LRRIQ1: variants seen among roughly 807,000 people sequenced by gnomAD.
LRRIQ1 encodes leucine rich repeats and IQ motif containing 1.
In LRRIQ1, 210 loss-of-function variants were observed where a neutral mutation model predicts 211.9. The observed-to-expected ratio is 0.99, with a 90% CI of 0.89 to 1.11. The LOEUF is 1.11. Ranked by LOEUF, LRRIQ1 falls within the 50% of genes most tolerant of loss-of-function variation. The probability of loss-of-function intolerance (pLI) is 0.00; values close to 1 mark genes in which losing one functional copy is unlikely to be tolerated. For missense variants in LRRIQ1, 2,136 were observed against 1,939.5 expected (o/e 1.10, Z -1.90); for synonymous variants, 699 against 650.1 (o/e 1.08, Z -1.14).
chr12:85,228,316 A>G (rs768428462), intron 24 of LRRIQ1, among the ~76,000 whole-genome samples: 3 of 152,204 alleles, frequency 2.0e-5, no homozygotes, highest in African/African-American at 4.8e-5. Flanking sequence ...GAACTTTTGT[A>G]TAATTATAAG....
At chr12:85,123,187 T>G (rs1484610276) in intron 16 of LRRIQ1, among the ~76,000 whole-genome samples, 2 of 152,136 alleles carry the variant, frequency 1.3e-5, no homozygotes, top group South Asian at 2.1e-4. Context: ...TAAAATTACC[T>G]TTGTGAACAT....
At chr12:85,250,827 A>G (rs1435486798) in intron 1 of LRRIQ1, among the ~76,000 whole-genome samples, 5 of 115,474 alleles carry the variant, frequency 4.3e-5, no homozygotes, top group Non-Finnish European at 8.5e-5. Flanking sequence ...AATATATATT[A>G]TAGATTATAT....
chr12:85,259,117 A>G, intron 1 of LRRIQ1, among the ~76,000 whole-genome samples: 1 of 152,090 alleles, frequency 6.6e-6, no homozygotes, highest in East Asian at 1.9e-4. Context: ...CAGCACTTGT[A>G]TAAGCAATTG....
Position 85,139,525 on chromosome 12 carries a change from A to G in LRRIQ1, c.4329+1556A>G, listed in dbSNP as rs570988677. Among the ~76,000 whole-genome samples, 10 of 151,594 alleles carry G rather than the reference A, an allele frequency of 6.6e-5. No homozygotes were observed. In the East Asian group the frequency reaches 1.9e-3, roughly 29 times the overall value. On this transcript the variant is annotated intron_variant, in intron 19 of 26. Coordinates refer to ENST00000393217, the MANE Select transcript of LRRIQ1 (RefSeq NM_001079910.2). ...GTGACACGTCAGTGAGAATTTTGAT[A>G]TTCAATTGTATGGTATTTTTCAGAA...
chr12:85,118,613 T>C (rs1385952797), intron 15 of LRRIQ1, among the ~76,000 whole-genome samples: 2 of 151,524 alleles, frequency 1.3e-5, no homozygotes, highest in East Asian at 3.9e-4. Flanking sequence ...TACACAGAGA[T>C]ACATTATTAC....
At chr12:85,162,740 G>T (rs1222965946) in intron 24 of LRRIQ1, 4 of 455,808 alleles carry the variant, frequency 8.8e-6, no homozygotes, top group African/African-American at 2.0e-5. Context: ...GATGTTCTAT[G>T]ATTTTGTTTT....
intron 4 of LRRIQ1, among the ~76,000 whole-genome samples, chr12:85,045,245 A>G (rs1764253534): frequency 6.6e-6 from 1 of 151,938 alleles, no homozygotes; most frequent in Admixed American, 6.6e-5. Flanking sequence ...AAACTTACTT[A>G]AAAAATAAGA....
At chr12:85,131,738 G>A (rs1020797082) in intron 18 of LRRIQ1, among the ~76,000 whole-genome samples, 1 of 151,992 alleles carries the variant, frequency 6.6e-6, no homozygotes, top group African/African-American at 2.4e-5. Context: ...ATGCTACAGG[G>A]GGTAAGAGTT....
chr12:85,185,195 A>C (rs1270184790), intron 24 of LRRIQ1, among the ~76,000 whole-genome samples: 6 of 151,954 alleles, frequency 3.9e-5, no homozygotes, highest in Admixed American at 3.9e-4. Context: ...ATACACTCGG[A>C]AAGATAGAAT....
chr12:85,078,968 C>G (rs942014802), intron 11 of LRRIQ1, among the ~76,000 whole-genome samples: 2 of 152,130 alleles, frequency 1.3e-5, no homozygotes, highest in African/African-American at 4.8e-5. Flanking sequence ...TGTTGTTACA[C>G]ATTTTTGTAA....
chr12:85,239,386 CGTGTATATATAT>C (rs374200398), intron 26 of LRRIQ1, among the ~76,000 whole-genome samples: 1 of 150,568 alleles, frequency 6.6e-6, no homozygotes, highest in Non-Finnish European at 1.5e-5. Context: ...CACACACACA[CGTGTATATATAT>C]ACACACACAT....
intron 24 of LRRIQ1, among the ~76,000 whole-genome samples, chr12:85,193,449 G>A (rs1892710289): frequency 7.3e-6 from 1 of 137,760 alleles, no homozygotes; most frequent in Admixed American, 7.9e-5. Context: ...TCAAAGGGAA[G>A]CCCATCAGAC....
At chr12:85,263,710 T>C (rs2137346316) in exon 2 of LRRIQ1, 1 of 152,160 alleles carries the variant, frequency 6.6e-6, no homozygotes, top group East Asian at 1.9e-4. Flanking sequence ...TAGATGCTAA[T>C]TTTGGTTCAT....
chr12:85,174,333 T>C (rs1434134688), intron 24 of LRRIQ1, among the ~76,000 whole-genome samples: 3 of 151,618 alleles, frequency 2.0e-5, no homozygotes, highest in Non-Finnish European at 4.4e-5. Context: ...AAATACAAAA[T>C]ACTAGAATAA....
In LRRIQ1 at chr12:85,052,270, T is replaced by C. The variant is rs1373977230; in HGVS notation, c.753+19T>C. 1 of 1,253,760 alleles carries C rather than the reference T, an allele frequency of 8.0e-7. No individual in the cohort carries two copies. The highest frequency in any genetic ancestry group is 1.5e-5 in the African/African-American group (1 of 65,660). The allele number at this position is 1,253,760 out of a possible 1,614,324, so 77.7% of individuals were successfully genotyped here. A position where few individuals can be genotyped will look rare whatever the true frequency, so the allele number is the denominator to read the frequency against. ...GCATGAGGTATCTATTTGTTGTTTT[T>C]ATTTAGCACATTAAGCTTTCTTTAT... is the stretch of plus-strand genomic sequence containing the variant. On this transcript the variant is annotated intron_variant, in intron 7 of 26. Coordinates refer to ENST00000393217, the MANE Select transcript of LRRIQ1 (RefSeq NM_001079910.2).
chr12:85,153,448 A>G (rs191756317), intron 21 of LRRIQ1, among the ~76,000 whole-genome samples: 2 of 151,602 alleles, frequency 1.3e-5, no homozygotes, highest in East Asian at 1.9e-4. Flanking sequence ...TTCCAGTGCT[A>G]TGTTACTTTT....
At chr12:85,162,652 C>T in intron 24 of LRRIQ1, 1 of 415,642 alleles carries the variant, frequency 2.4e-6, no homozygotes, top group African/African-American at 2.1e-5. Flanking sequence ...ATAAAATATG[C>T]TAGAAATAGT....
Position 85,047,268 on chromosome 12 carries a change from G to A in LRRIQ1, c.476G>A (p.Gly159Glu), listed in dbSNP as rs1383579306. 1.9e-6 allele frequency: 3 copies of A among 1,593,208 alleles called. No homozygotes were observed. The highest frequency in any genetic ancestry group is 2.6e-6 in the Non-Finnish European group (3 of 1,174,508). The change falls in exon 6 of 27, where the codon GGA (glycine) becomes GAA (glutamate). Residue 159 changes from glycine to glutamate, a missense_variant. Coordinates refer to ENST00000393217, the MANE Select transcript of LRRIQ1 (RefSeq NM_001079910.2). ...GCAGATGATGCTGATATAAATTTTGGATACTGTGAAGTGGAAGAAAAATGT... is the reference window on the plus strand; with the variant it reads ...GCAGATGATGCTGATATAAATTTTGAATACTGTGAAGTGGAAGAAAAATGT... The part of the protein sequence containing the change: ...VLPDDADINF[G>E]YCEVEEKCRQ...
intron 11 of LRRIQ1, among the ~76,000 whole-genome samples, chr12:85,080,419 T>C (rs1483093586): frequency 6.6e-6 from 1 of 151,568 alleles, no homozygotes; most frequent in Non-Finnish European, 1.5e-5. Context: ...TAATGTAATA[T>C]AGAGGGCATA....
Sources: allele counts gnomAD v4.1 joint callset (sites outside exome capture counted in the v4.1 genomes callset), GRCh38; gene constraint gnomAD v4.1.1; transcripts MANE v1.5; gene names NCBI Gene and HGNC (gene_info 2026-07-23, HGNC 2026-07-21).